NKAIN3: variants seen among roughly 807,000 people sequenced by gnomAD.
NKAIN3 encodes sodium/potassium-transporting ATPase subunit beta-1-interacting protein 3.
Under a neutral mutation model 30.2 loss-of-function variants are expected in NKAIN3, and 25 were observed. The ratio of observed to expected loss-of-function variants is 0.83; its 90% CI spans 0.60 to 1.16. NKAIN3 has a LOEUF of 1.16. Ranked by LOEUF, NKAIN3 falls within the 50% of genes most tolerant of loss-of-function variation. The pLI is 0.00. For missense variants in NKAIN3, 225 were observed against 254.1 expected (o/e 0.89, Z 0.78); for synonymous variants, 91 against 89.6 (o/e 1.02, Z -0.09).
intron 1 of NKAIN3, among the ~76,000 whole-genome samples, chr8:62,283,942 A>G (rs1813286893): frequency 6.6e-6 from 1 of 152,224 alleles, no homozygotes; most frequent in Admixed American, 6.6e-5. Context: ...AAATCATACA[A>G]CAGGCATCAC....
intron 6 of NKAIN3, among the ~76,000 whole-genome samples, chr8:62,957,913 G>A (rs1321575100): frequency 6.6e-6 from 1 of 152,124 alleles, no homozygotes; most frequent in Non-Finnish European, 1.5e-5. Flanking sequence ...GTAACACACT[G>A]GTAGGGAATG....
intron 1 of NKAIN3, among the ~76,000 whole-genome samples, chr8:62,361,960 A>G (rs146267804): frequency 6.6e-6 from 1 of 152,108 alleles, no homozygotes; most frequent in African/African-American, 2.4e-5. Flanking sequence ...TCCAGGAAAC[A>G]TTTCTAGGCC....
chr8:62,266,535 A>G (rs888995946), intron 1 of NKAIN3, among the ~76,000 whole-genome samples: 1 of 152,214 alleles, frequency 6.6e-6, no homozygotes, highest in Non-Finnish European at 1.5e-5. Context: ...AGTTTTACAT[A>G]CTATGTAATT....
In NKAIN3 at chr8:62,423,600, A is replaced by G. The variant is rs115803076; in HGVS notation, c.55-155939A>G. Among the ~76,000 whole-genome samples, 392 of 151,938 alleles carry G rather than the reference A, an allele frequency of 2.6e-3. 1 individual carries two copies. The highest frequency in any genetic ancestry group is 9.2e-3 in the African/African-American group (380 of 41,490). On this transcript the variant is annotated intron_variant, in intron 1 of 6. Transcript: ENST00000623646. ...TTTACAGCTTTACTAATATAGAGCT[A>G]TTTTTGGCTTCTTCGCAAGCTTTTA...
intron 1 of NKAIN3, among the ~76,000 whole-genome samples, chr8:62,494,537 T>C (rs1487888302): frequency 6.6e-6 from 1 of 152,160 alleles, no homozygotes; most frequent in East Asian, 1.9e-4. Context: ...CCTCACAGAA[T>C]GAGTTGAGGA....
At chr8:62,885,695 G>A (rs1821126540) in intron 4 of NKAIN3, among the ~76,000 whole-genome samples, 1 of 152,118 alleles carries the variant, frequency 6.6e-6, no homozygotes, top group Non-Finnish European at 1.5e-5. Flanking sequence ...GGATTATTAT[G>A]TTTTCCTGGG....
At chr8:62,884,548 C>T (rs950889527) in intron 4 of NKAIN3, among the ~76,000 whole-genome samples, 8 of 152,264 alleles carry the variant, frequency 5.3e-5, no homozygotes, top group East Asian at 1.9e-4. Context: ...TGAGCCCCTG[C>T]GTCAGCACTA....
At chr8:62,855,563 C>A in intron 4 of NKAIN3, 1 of 1,560,170 alleles carries the variant, frequency 6.4e-7, no homozygotes, top group South Asian at 1.1e-5. Flanking sequence ...GGAGTCCAAT[C>A]TTTTATTCAT....
intron 3 of NKAIN3, among the ~76,000 whole-genome samples, chr8:62,680,698 C>T (rs1016296969): frequency 2.4e-4 from 36 of 151,840 alleles, no homozygotes; most frequent in Admixed American, 1.2e-3. Flanking sequence ...AAATGTAATG[C>T]GTGATTTGAA....
At chr8:62,329,484 C>T (rs1815263672) in intron 1 of NKAIN3, among the ~76,000 whole-genome samples, 1 of 152,144 alleles carries the variant, frequency 6.6e-6, no homozygotes, top group Non-Finnish European at 1.5e-5. Context: ...CTTCAGCTTA[C>T]ATTCCGCTCC....
chr8:62,932,372 C>T (rs1240903894), intron 5 of NKAIN3, among the ~76,000 whole-genome samples: 3 of 152,288 alleles, frequency 2.0e-5, no homozygotes, highest in Admixed American at 6.5e-5. Flanking sequence ...AATGCAGATA[C>T]TGGTTTGTGT....
At chr8:62,384,855 T>C (rs970649890) in intron 1 of NKAIN3, among the ~76,000 whole-genome samples, 1 of 152,190 alleles carries the variant, frequency 6.6e-6, no homozygotes, top group African/African-American at 2.4e-5. Flanking sequence ...GTAGGATTAC[T>C]GTGGGACCTC....
intron 1 of NKAIN3, among the ~76,000 whole-genome samples, chr8:62,379,232 T>G (rs776206114): frequency 6.6e-6 from 1 of 152,216 alleles, no homozygotes; most frequent in Non-Finnish European, 1.5e-5. Context: ...GTACCCCGAT[T>G]GTATCTAGGA....
chr8:62,596,346 T>C (rs1480870684), intron 3 of NKAIN3, among the ~76,000 whole-genome samples: 1 of 152,014 alleles, frequency 6.6e-6, no homozygotes, highest in Non-Finnish European at 1.5e-5. Flanking sequence ...CTCTTTTGGC[T>C]TCAATATCCA....
intron 4 of NKAIN3, among the ~76,000 whole-genome samples, chr8:62,839,362 T>C (rs1046992716): frequency 2.0e-5 from 3 of 151,736 alleles, no homozygotes; most frequent in Non-Finnish European, 2.9e-5. Flanking sequence ...GAAATCACCT[T>C]TGTCTCTATC....
At chr8:62,450,458 A>G (rs777878294) in intron 1 of NKAIN3, among the ~76,000 whole-genome samples, 4 of 152,146 alleles carry the variant, frequency 2.6e-5, no homozygotes, top group African/African-American at 4.8e-5. Context: ...CCCAGAGCAA[A>G]CGCCACTTAA....
intron 3 of NKAIN3, among the ~76,000 whole-genome samples, chr8:62,693,323 A>C (rs1814043457): frequency 6.6e-6 from 1 of 152,214 alleles, no homozygotes; most frequent in African/African-American, 2.4e-5. Flanking sequence ...AAGATTATAC[A>C]CCTCATTACA....
At position 62,966,212 on chromosome 8, in the gene NKAIN3, CAT is replaced by C; in HGVS notation, c.*807_*808del. ...GGGCTTGTGGGACAGAAATCACAAA[CAT>C]AGACCTGCAGTCAGGAACTTTTCTC... On this transcript the variant is annotated 3_prime_UTR_variant, in exon 7 of 7. Transcript: ENST00000623646. The C allele has an allele frequency of 1.0e-6, 1 of 984,974 alleles. No homozygotes were observed. Among genetic ancestry groups the C allele is most frequent in the Non-Finnish European group, 1.2e-6 (1 of 829,570 alleles). 61.0% of individuals were successfully genotyped at this position (984,974 alleles called of 1,614,324 possible).
At chr8:62,835,952 T>C (rs1819348378) in intron 4 of NKAIN3, among the ~76,000 whole-genome samples, 1 of 151,986 alleles carries the variant, frequency 6.6e-6, no homozygotes, top group African/African-American at 2.4e-5. Flanking sequence ...CCATCAGTGG[T>C]GGATTGGATA....
Sources: allele counts gnomAD v4.1 joint callset (sites outside exome capture counted in the v4.1 genomes callset), GRCh38; gene constraint gnomAD v4.1.1; transcripts MANE v1.5; gene names NCBI Gene and HGNC (gene_info 2026-07-23, HGNC 2026-07-21).